Variants in SLC35D4 observed in about 807,000 individuals in gnomAD.
SLC35D4 encodes the protein solute carrier family 35 member D4.
chr18:23,437,855 G>A, the SLC35D4 span: 1 of 1,611,968 alleles, frequency 6.2e-7, no homozygotes, highest in Non-Finnish European at 8.5e-7. Context: ...ACGCACATCT[G>A]TCAACTCGTC....
the SLC35D4 span, among the ~76,000 whole-genome samples, chr18:23,256,308 T>C: frequency 6.6e-6 from 1 of 152,308 alleles, no homozygotes; most frequent in South Asian, 2.1e-4. Context: ...GCACGCAAGA[T>C]GCCACCAGGC....
At chr18:23,270,883 T>C in the SLC35D4 span, among the ~76,000 whole-genome samples, 5 of 152,192 alleles carry the variant, frequency 3.3e-5, no homozygotes, top group African/African-American at 9.6e-5. Flanking sequence ...AGATGAAACT[T>C]TGGACTGTGG....
chr18:23,406,073 T>C, the SLC35D4 span, among the ~76,000 whole-genome samples: 1 of 152,254 alleles, frequency 6.6e-6, no homozygotes, highest in Admixed American at 6.5e-5. Flanking sequence ...TTAGTTCTGC[T>C]GTACCTAAGG....
At chr18:23,434,663 G>A in the SLC35D4 span, among the ~76,000 whole-genome samples, 37 of 152,106 alleles carry the variant, frequency 2.4e-4, no homozygotes, top group African/African-American at 6.3e-4. Context: ...GCATGGTGGC[G>A]CACGCCTGTA....
the SLC35D4 span, among the ~76,000 whole-genome samples, chr18:23,241,641 G>A: frequency 6.6e-6 from 1 of 152,222 alleles, no homozygotes; most frequent in African/African-American, 2.4e-5. Context: ...TCTTGTGCAT[G>A]GCTTTCTGTG....
chr18:23,261,434 C>G, the SLC35D4 span, among the ~76,000 whole-genome samples: 1 of 151,908 alleles, frequency 6.6e-6, no homozygotes, highest in African/African-American at 2.4e-5. Context: ...CCAGCCTGGG[C>G]AACATGGCAA....
At chr18:23,354,932 A>T in the SLC35D4 span, among the ~76,000 whole-genome samples, 57 of 152,126 alleles carry the variant, frequency 3.7e-4, no homozygotes, top group Non-Finnish European at 6.6e-4. Flanking sequence ...AGGGAGGCAG[A>T]TCTGAAAAGC....
At chr18:23,309,724 T>C in the SLC35D4 span, 7 of 1,614,210 alleles carry the variant, frequency 4.3e-6, no homozygotes, top group Non-Finnish European at 5.9e-6. Context: ...ACAGCAATAT[T>C]GATAAGCCAG....
the SLC35D4 span, among the ~76,000 whole-genome samples, chr18:23,244,087 A>G: frequency 1.3e-5 from 2 of 152,162 alleles, no homozygotes; most frequent in African/African-American, 4.8e-5. Flanking sequence ...CGTTCCACGC[A>G]GTTTGGCTCA....
chr18:23,254,302 G>A, the SLC35D4 span, among the ~76,000 whole-genome samples: 2 of 152,328 alleles, frequency 1.3e-5, no homozygotes, highest in Admixed American at 6.5e-5. Context: ...GTAAGACCTT[G>A]GCTTCCTACT....
At chr18:23,330,782 T>C in the SLC35D4 span, among the ~76,000 whole-genome samples, 1 of 152,188 alleles carries the variant, frequency 6.6e-6, no homozygotes, top group Admixed American at 6.5e-5. Flanking sequence ...GGAGGTGTTT[T>C]CTACATTGTA....
chr18:23,256,249 T>C, the SLC35D4 span, among the ~76,000 whole-genome samples: 6 of 152,346 alleles, frequency 3.9e-5, no homozygotes, highest in African/African-American at 1.4e-4. Context: ...ATCCCCACCT[T>C]GGTGGTTCTC....
At chr18:23,394,320 T>C in the SLC35D4 span, among the ~76,000 whole-genome samples, 2 of 152,206 alleles carry the variant, frequency 1.3e-5, no homozygotes, top group Non-Finnish European at 2.9e-5. Flanking sequence ...ATGTTGAGCC[T>C]CTTTTCATGG....
chr18:23,437,850 C>T, the SLC35D4 span: 1 of 1,612,646 alleles, frequency 6.2e-7, no homozygotes, highest in Non-Finnish European at 8.5e-7. Flanking sequence ...TCCTCACGCA[C>T]ATCTGTCAAC....
chr18:23,239,060 AGATCT>A, the SLC35D4 span, among the ~76,000 whole-genome samples: 4 of 152,228 alleles, frequency 2.6e-5, no homozygotes, highest in Non-Finnish European at 4.4e-5. Context: ...GGCTGGTGCT[AGATCT>A]GATCTTTTTT....
chr18:23,365,533 G>A, the SLC35D4 span: 5 of 1,377,886 alleles, frequency 3.6e-6, no homozygotes, highest in Admixed American at 9.0e-5. Context: ...ATCCTGGGGG[G>A]CAATGACATG....
At chr18:23,311,912 T>C in the SLC35D4 span, among the ~76,000 whole-genome samples, 1 of 152,182 alleles carries the variant, frequency 6.6e-6, no homozygotes, top group Admixed American at 6.5e-5. Context: ...AGACATGGCC[T>C]GGGACGGTGC....
the SLC35D4 span, among the ~76,000 whole-genome samples, chr18:23,423,373 C>T: frequency 6.6e-6 from 1 of 152,218 alleles, no homozygotes; most frequent in African/African-American, 2.4e-5. Flanking sequence ...TGATTCTCAA[C>T]CAGGCAATCT....
At chr18:23,283,680 A>T in the SLC35D4 span, among the ~76,000 whole-genome samples, 2 of 150,504 alleles carry the variant, frequency 1.3e-5, no homozygotes, top group African/African-American at 4.9e-5. Flanking sequence ...GTGGTGGCGC[A>T]TGCCTGTAAT....
Sources: gnomAD v4.1 joint callset for allele counts (sites outside exome capture counted in the v4.1 genomes callset) on GRCh38, gnomAD v4.1.1 for gene constraint, MANE v1.5 for transcripts, NCBI Gene and HGNC (gene_info 2026-07-23, HGNC 2026-07-21) for gene names.